VWA3B: variants seen among roughly 807,000 people sequenced by gnomAD.
VWA3B encodes von Willebrand factor A domain-containing protein 3B.
Under a neutral mutation model 158.3 loss-of-function variants are expected in VWA3B, and 138 were observed. That is an observed-to-expected ratio of 0.87 (90% CI 0.76 to 1.00). VWA3B has a LOEUF of 1.00. VWA3B is among the 50% of genes least tolerant of loss of function. VWA3B has a pLI of 0.00. For missense variants in VWA3B, 1,555 were observed against 1,565.1 expected (o/e 0.99, Z 0.11); for synonymous variants, 596 against 587.3 (o/e 1.01, Z -0.21).
At chr2:98,198,217 G>T (rs896465280) in intron 12 of VWA3B, among the ~76,000 whole-genome samples, 6 of 151,978 alleles carry the variant, frequency 3.9e-5, no homozygotes, top group African/African-American at 1.5e-4. Context: ...CTTCAACAAG[G>T]AGAAACCTGA....
Position 98,312,491 on chromosome 2 carries a change from C to A in VWA3B, c.*142C>A. On this transcript the variant is annotated 3_prime_UTR_variant, in exon 28 of 28. Coordinates refer to ENST00000477737, the MANE Select transcript of VWA3B (RefSeq NM_144992.5). Reference sequence around the variant, plus strand: ...ATGCCTGCCCTGTCTGTAGCAAAGACTCCTCTCCCCTCCATCCCTGCTGCC... The same window carrying A: ...ATGCCTGCCCTGTCTGTAGCAAAGAATCCTCTCCCCTCCATCCCTGCTGCC... 1 of 987,442 alleles carries A rather than the reference C, an allele frequency of 1.0e-6. No individual in the cohort carries two copies. The highest frequency in any genetic ancestry group is 1.4e-6 in the Non-Finnish European group (1 of 696,810). The allele number at this position is 987,442 out of a possible 1,614,324, so 61.2% of individuals were successfully genotyped here.
chr2:98,317,031 A>C (rs1691102640), downstream of VWA3B, among the ~76,000 whole-genome samples: 1 of 152,216 alleles, frequency 6.6e-6, no homozygotes, highest in Non-Finnish European at 1.5e-5. Context: ...GACTAATATA[A>C]GCAGGTAGGT....
intron 13 of VWA3B, chr2:98,217,044 C>T (rs902399504): frequency 1.7e-6 from 2 of 1,197,190 alleles, no homozygotes; most frequent in African/African-American, 3.2e-5. Context: ...GTTCAAGTGC[C>T]CCAGGATGGT....
chr2:98,124,060 G>A (rs939553096), intron 5 of VWA3B, among the ~76,000 whole-genome samples: 6 of 152,320 alleles, frequency 3.9e-5, no homozygotes, highest in African/African-American at 1.2e-4. Flanking sequence ...AGACCCACAT[G>A]ATTTCATAAA....
chr2:98,090,966 G>A (rs143584188), intron 1 of VWA3B, among the ~76,000 whole-genome samples: 104 of 151,774 alleles, frequency 6.9e-4, no homozygotes, highest in African/African-American at 2.4e-3. Flanking sequence ...CACTATGTTG[G>A]TCAGGGTAGT....
intron 21 of VWA3B, among the ~76,000 whole-genome samples, chr2:98,260,779 A>G (rs940582264): frequency 1.1e-4 from 17 of 151,844 alleles, no homozygotes; most frequent in Non-Finnish European, 2.5e-4. Flanking sequence ...TTAGCAATAT[A>G]AGATGTTACC....
intron 9 of VWA3B, among the ~76,000 whole-genome samples, chr2:98,183,217 A>G (rs1197808055): frequency 7.5e-6 from 1 of 134,102 alleles, no homozygotes; most frequent in East Asian, 2.1e-4. Flanking sequence ...TTTTACAAAT[A>G]CTGATGAGAA....
intron 1 of VWA3B, among the ~76,000 whole-genome samples, chr2:98,091,820 G>A (rs1256994448): frequency 3.3e-5 from 5 of 152,188 alleles, no homozygotes; most frequent in African/African-American, 9.7e-5. Context: ...ACAATTCAGG[G>A]TATCAGTTTA....
intron 1 of VWA3B, 61 bp downstream of exon 1, chr2:98,087,424 G>T (rs1478899380): frequency 6.6e-6 from 1 of 152,262 alleles, no homozygotes; most frequent in Non-Finnish European, 1.5e-5. Flanking sequence ...CTTCCAACAA[G>T]CGGCCTAGGG....
chr2:98,095,945 C>T (rs1682679559), intron 2 of VWA3B, among the ~76,000 whole-genome samples: 1 of 152,120 alleles, frequency 6.6e-6, no homozygotes, highest in South Asian at 2.1e-4. Context: ...TATGTTGAAC[C>T]ATCCTTGCAT....
chr2:98,317,429 G>A (rs186374262), downstream of VWA3B, among the ~76,000 whole-genome samples: 21 of 152,290 alleles, frequency 1.4e-4, no homozygotes, highest in East Asian at 3.9e-3. Context: ...GTGGGGGTCG[G>A]AGGTGCCTCA....
chr2:98,300,666 G>A (rs1489651596), intron 25 of VWA3B, among the ~76,000 whole-genome samples: 3 of 151,952 alleles, frequency 2.0e-5, no homozygotes, highest in Non-Finnish European at 4.4e-5. Context: ...GGTGTCTTTC[G>A]GTGTGAGCCT....
intron 16 of VWA3B, among the ~76,000 whole-genome samples, 193 bp downstream of exon 16, chr2:98,230,400 G>A (rs186485544): frequency 3.3e-5 from 5 of 152,118 alleles, no homozygotes; most frequent in Admixed American, 2.6e-4. Context: ...TTCCCCAATG[G>A]TAACATCTTG....
In VWA3B at chr2:98,194,452, A is replaced by T; in HGVS notation, c.1697A>T (p.Asp566Val). ...GAACAACTTGCTGAAGTCAATGAAGATAATTTGGAACAGGCTCAGTCCTGG... is the reference window on the plus strand; with the variant it reads ...GAACAACTTGCTGAAGTCAATGAAGTTAATTTGGAACAGGCTCAGTCCTGG... ...WREQLAEVNE[D>V]NLEQAQSWIR... Residue 566 changes from aspartate (D) to valine (V), a missense_variant, in exon 12 of 28, where the codon GAT (aspartate) becomes GTT (valine). By Grantham distance (152) the Asp-to-Val change is radical. Transcript: ENST00000477737. 1 of 1,614,114 alleles carries T rather than the reference A, an allele frequency of 6.2e-7. No individual in the cohort carries two copies. The highest frequency in any genetic ancestry group is 1.3e-5 in the African/African-American group (1 of 75,036).
At chr2:98,240,060 A>G (rs1558715013) in intron 19 of VWA3B, among the ~76,000 whole-genome samples, 1 of 152,180 alleles carries the variant, frequency 6.6e-6, no homozygotes. Context: ...GATTTAAGCC[A>G]TACTTAAGTC....
intron 7 of VWA3B, among the ~76,000 whole-genome samples, chr2:98,161,895 C>A (rs542567076): frequency 2.6e-5 from 4 of 152,076 alleles, no homozygotes; most frequent in African/African-American, 9.7e-5. Context: ...TTAGTAGAGA[C>A]GGGGTTTCAC....
intron 8 of VWA3B, among the ~76,000 whole-genome samples, chr2:98,169,751 G>C (rs967531880): frequency 6.7e-6 from 1 of 149,532 alleles, no homozygotes; most frequent in Non-Finnish European, 1.5e-5. Flanking sequence ...GTGTGTGTGT[G>C]TGTGTGTGTG....
At chr2:98,234,498 C>T (rs1685544983) in intron 16 of VWA3B, 150 bp from the exon 17 acceptor site, 1 of 1,172,008 alleles carries the variant, frequency 8.5e-7, no homozygotes, top group South Asian at 1.6e-5. Context: ...GGCATCCTGG[C>T]AGCATTCAGT....
chr2:98,168,471 C>G, intron 8 of VWA3B, among the ~76,000 whole-genome samples: 1 of 152,038 alleles, frequency 6.6e-6, no homozygotes, highest in Non-Finnish European at 1.5e-5. Context: ...TGTCCTATCT[C>G]TATTTAAAAA....
Sources: allele counts gnomAD v4.1 joint callset (sites outside exome capture counted in the v4.1 genomes callset), GRCh38; gene constraint gnomAD v4.1.1; transcripts MANE v1.5; gene names NCBI Gene and HGNC (gene_info 2026-07-23, HGNC 2026-07-21).